The following FBXL7 variants were observed in gnomAD, a reference collection of about 807,000 sequenced individuals.
FBXL7 encodes F-box and leucine rich repeat protein 7.
FBXL7 carries 12 observed loss-of-function variants against 38.3 expected under a neutral mutation model. The ratio of observed to expected loss-of-function variants is 0.31; its 90% confidence interval spans 0.20 to 0.51. The LOEUF (loss-of-function observed/expected upper bound fraction) is 0.51. FBXL7 is among the 20% of genes least tolerant of loss of function. The pLI, the probability that FBXL7 is intolerant of heterozygous loss-of-function variation, is 0.98. For missense variants in FBXL7, 567 were observed against 676.4 expected (o/e 0.84, Z 1.79); for synonymous variants, 297 against 300.9 (o/e 0.99, Z 0.13).
intron 2 of FBXL7, among the ~76,000 whole-genome samples, chr5:15,662,916 T>A (rs1742138239): frequency 6.6e-6 from 1 of 152,202 alleles, no homozygotes; most frequent in Admixed American, 6.5e-5. Flanking sequence ...TGTAGTATAG[T>A]TTGAAGTCAG....
At chr5:15,632,290 AT>A (rs887902675) in intron 2 of FBXL7, among the ~76,000 whole-genome samples, 179 of 152,096 alleles carry the variant, frequency 1.2e-3, no homozygotes, top group African/African-American at 3.5e-3. Context: ...AGAAAATTTT[AT>A]TTTTTTTATT....
intron 2 of FBXL7, among the ~76,000 whole-genome samples, chr5:15,848,842 G>T (rs1339496451): frequency 6.6e-6 from 1 of 152,042 alleles, no homozygotes; most frequent in Non-Finnish European, 1.5e-5. Flanking sequence ...GAAACTTTAG[G>T]GGCCTCAATT....
chr5:15,898,058 A>G (rs939075190), intron 2 of FBXL7, among the ~76,000 whole-genome samples: 1 of 152,230 alleles, frequency 6.6e-6, no homozygotes, highest in African/African-American at 2.4e-5. Context: ...CTCCTCCTCA[A>G]TACAAATCCC....
At chr5:15,793,388 C>T (rs1737327686) in intron 2 of FBXL7, among the ~76,000 whole-genome samples, 1 of 152,164 alleles carries the variant, frequency 6.6e-6, no homozygotes, top group Non-Finnish European at 1.5e-5. Flanking sequence ...TTCAAGGCTC[C>T]TATCATTGCC....
chr5:15,720,446 T>A (rs962484742), intron 2 of FBXL7, among the ~76,000 whole-genome samples: 1 of 148,762 alleles, frequency 6.7e-6, no homozygotes, highest in African/African-American at 2.5e-5. Context: ...AAATGTCATA[T>A]AAAACCATAT....
At chr5:15,764,718 A>G (rs1413282467) in intron 2 of FBXL7, among the ~76,000 whole-genome samples, 1 of 152,254 alleles carries the variant, frequency 6.6e-6, no homozygotes, top group Non-Finnish European at 1.5e-5. Flanking sequence ...GAAGGCCACT[A>G]TAGTGTTCAC....
At chr5:15,544,896 A>C (rs1014533884) in intron 1 of FBXL7, among the ~76,000 whole-genome samples, 1 of 152,218 alleles carries the variant, frequency 6.6e-6, no homozygotes. Context: ...GTTTTGGATA[A>C]GCAGATTATT....
intron 2 of FBXL7, among the ~76,000 whole-genome samples, chr5:15,747,937 T>C (rs1561110647): frequency 6.6e-6 from 1 of 152,240 alleles, no homozygotes; most frequent in Non-Finnish European, 1.5e-5. Flanking sequence ...GGTAATTCTT[T>C]TTAATTATCC....
In FBXL7 at chr5:15,643,253, C is replaced by A. The variant is rs527741870; in HGVS notation, c.127+27181C>A. The stretch of plus-strand genomic sequence containing the variant: ...GGTCTAGCCAACCTCTTCTTTTCCC[C>A]TTGCTGCAGTATTTTAGGAGGAAGG... On this transcript the variant is annotated intron_variant, in intron 2 of 3. Transcript: ENST00000504595. 1.3e-3 allele frequency among the ~76,000 whole-genome samples: 199 copies of A among 152,292 alleles called. 1 individual carries two copies. Among genetic ancestry groups the A allele is most frequent in the African/African-American group, 4.6e-3 (191 of 41,570 alleles).
At chr5:15,851,062 C>T (rs1190966141) in intron 2 of FBXL7, among the ~76,000 whole-genome samples, 1 of 152,180 alleles carries the variant, frequency 6.6e-6, no homozygotes, top group Non-Finnish European at 1.5e-5. Context: ...CTCTGAGATG[C>T]AGCCTTTCTT....
At chr5:15,903,715 C>T (rs187565700) in intron 2 of FBXL7, among the ~76,000 whole-genome samples, 11 of 152,046 alleles carry the variant, frequency 7.2e-5, no homozygotes, top group Admixed American at 3.3e-4. Flanking sequence ...CCCTGTGTAC[C>T]CCATGAATAT....
intron 1 of FBXL7, among the ~76,000 whole-genome samples, chr5:15,541,255 T>C (rs1168572198): frequency 6.6e-6 from 1 of 151,506 alleles, no homozygotes; most frequent in Middle Eastern, 3.2e-3. Context: ...CATTCAACAA[T>C]GGAGTTTATT....
chr5:15,887,199 C>G (rs1177817131), intron 2 of FBXL7, among the ~76,000 whole-genome samples: 1 of 152,108 alleles, frequency 6.6e-6, no homozygotes, highest in Non-Finnish European at 1.5e-5. Context: ...ACCAATTGTT[C>G]TGTTGTGTTT....
At chr5:15,874,654 C>G (rs2126305453) in intron 2 of FBXL7, among the ~76,000 whole-genome samples, 1 of 152,226 alleles carries the variant, frequency 6.6e-6, no homozygotes, top group Non-Finnish European at 1.5e-5. Flanking sequence ...GAGCAAACTC[C>G]CATTCACAAT....
chr5:15,792,692 G>T (rs1373385081), intron 2 of FBXL7, among the ~76,000 whole-genome samples: 1 of 152,132 alleles, frequency 6.6e-6, no homozygotes. Context: ...CTTTGTTCAT[G>T]CTCTACAGCA....
At position 15,913,928 on chromosome 5, in the gene FBXL7, T is replaced by C. The variant is rs1221657533; in HGVS notation, c.128-13962T>C. Among the ~76,000 whole-genome samples the C allele has an allele frequency of 2.0e-5, 3 of 152,252 alleles. No individual in the cohort carries two copies. The East Asian group carries it at 5.8e-4, about 29-fold the overall frequency. Reference sequence around the variant, plus strand: ...TTATTACAGTTGATGCGTGACTTAGTTCGGGGGTTGGGGAGGGCAGGGGGA... The same window carrying C: ...TTATTACAGTTGATGCGTGACTTAGCTCGGGGGTTGGGGAGGGCAGGGGGA... On this transcript the variant is annotated intron_variant, in intron 2 of 3. Coordinates refer to ENST00000504595, the MANE Select transcript of FBXL7 (RefSeq NM_012304.5).
intron 2 of FBXL7, among the ~76,000 whole-genome samples, chr5:15,895,816 T>C (rs1741084831): frequency 6.6e-6 from 1 of 151,230 alleles, no homozygotes; most frequent in African/African-American, 2.4e-5. Flanking sequence ...GCTAATTTTT[T>C]TGTATTTTTA....
chr5:15,534,069 A>G (rs1737511741), intron 1 of FBXL7, among the ~76,000 whole-genome samples: 2 of 152,132 alleles, frequency 1.3e-5, no homozygotes, highest in African/African-American at 4.8e-5. Context: ...GAAGGTACAG[A>G]GTTTCTGTAG....
intron 2 of FBXL7, among the ~76,000 whole-genome samples, chr5:15,740,037 C>T (rs949431717): frequency 6.6e-6 from 1 of 152,170 alleles, no homozygotes; most frequent in Non-Finnish European, 1.5e-5. Flanking sequence ...TTCTCTACAT[C>T]GTCACCAACA....
Sources: allele counts gnomAD v4.1 joint callset (sites outside exome capture counted in the v4.1 genomes callset), GRCh38; gene constraint gnomAD v4.1.1; transcripts MANE v1.5; gene names NCBI Gene and HGNC (gene_info 2026-07-23, HGNC 2026-07-21).